The following COPS4 variants were observed in gnomAD, a reference collection of about 807,000 sequenced individuals.
COPS4 encodes the protein COP9 signalosome complex subunit 4.
COPS4 carries 8 observed loss-of-function variants against 55.1 expected under a neutral mutation model. That is an observed-to-expected ratio of 0.15 (90% CI 0.09 to 0.26). COPS4 has a LOEUF of 0.26. Ranked by LOEUF, COPS4 falls within the 10% of genes least tolerant of loss-of-function variation. The pLI is 1.00. For synonymous variants in COPS4, 185 were observed against 165.7 expected (o/e 1.12, Z -0.90); for missense variants, 248 against 484.0 (o/e 0.51, Z 4.58).
chr4:83,062,980 G>C, intron 6 of COPS4, 96 bp from the exon 7 acceptor site: 1 of 1,034,708 alleles, frequency 9.7e-7, no homozygotes, highest in South Asian at 1.8e-5. Context: ...TGTATATTTA[G>C]TAGACAAAAA....
intron 9 of COPS4, among the ~76,000 whole-genome samples, chr4:83,072,874 TG>T (rs1343067708): frequency 6.6e-6 from 1 of 152,184 alleles, no homozygotes; most frequent in Non-Finnish European, 1.5e-5. Flanking sequence ...CCTTTTTTTT[TG>T]TTAAATTGAA....
intron 2 of COPS4, among the ~76,000 whole-genome samples, chr4:83,047,993 T>G (rs1730765185): frequency 7.5e-6 from 1 of 132,890 alleles, no homozygotes; most frequent in South Asian, 2.3e-4. Flanking sequence ...AGAGCGAGAC[T>G]CAGTCTCAAA....
chr4:83,049,076 G>A, intron 2 of COPS4, 90 bp from the exon 3 acceptor site: 1 of 1,197,170 alleles, frequency 8.4e-7, no homozygotes, highest in Non-Finnish European at 1.2e-6. Flanking sequence ...AATATAGATT[G>A]TTGTTAGTAT....
chr4:83,072,300 A>G (rs1021254947), intron 9 of COPS4, among the ~76,000 whole-genome samples: 2 of 151,492 alleles, frequency 1.3e-5, no homozygotes, highest in Admixed American at 6.6e-5. Flanking sequence ...GGGTTTCTCT[A>G]TATTGGTCAG....
intron 1 of COPS4, among the ~76,000 whole-genome samples, chr4:83,040,976 T>A (rs1002890774): frequency 6.6e-6 from 1 of 151,940 alleles, no homozygotes; most frequent in African/African-American, 2.4e-5. Flanking sequence ...TTAAAGATGC[T>A]CAATTCACTG....
At position 83,035,237 on chromosome 4, in the gene COPS4, G is replaced by A; in HGVS notation, c.13G>A (p.Val5Met). The A allele has an allele frequency of 6.4e-7, 1 of 1,571,070 alleles. No individual in the cohort carries two copies. The highest frequency in any genetic ancestry group is 8.7e-7 in the Non-Finnish European group (1 of 1,152,568). The change falls in exon 1 of 10, where the codon GTG becomes ATG. Residue 5 changes from valine to methionine, a missense_variant. By Grantham distance (21) the Val-to-Met change is conservative. Around this residue, in one of 4 missense-constraint regions of COPS4, gnomAD observed 55 missense variants for 62.8 expected, o/e 0.88. Transcript: ENST00000264389. MAAAVRQDLAQLMNS... is the reference protein window; with the variant it reads MAAAMRQDLAQLMNS... ...AGCTGGGAGAAAGATGGCGGCAGCC[G>A]TGCGACAGGATTTGGCCCAGCTCAT... is the stretch of plus-strand genomic sequence containing the variant.
intron 2 of COPS4, 81 bp from the exon 3 acceptor site, chr4:83,049,085 A>G: frequency 7.6e-7 from 1 of 1,322,960 alleles, no homozygotes; most frequent in South Asian, 1.3e-5. Flanking sequence ...TGTTGTTAGT[A>G]TTAATTTTAA....
chr4:83,075,254 A>G (rs1731544872), intron 9 of COPS4, 43 bp from the exon 10 acceptor site: 1 of 1,599,706 alleles, frequency 6.3e-7, no homozygotes, highest in Non-Finnish European at 8.5e-7. Context: ...TGCTGTGAAT[A>G]CAAAGGAATA....
chr4:83,073,088 G>A, intron 9 of COPS4: 1 of 459,664 alleles, frequency 2.2e-6, no homozygotes, highest in Non-Finnish European at 3.9e-6. Context: ...TCAATGGCCT[G>A]TAGTATATTT....
intron 1 of COPS4, among the ~76,000 whole-genome samples, chr4:83,043,705 T>A (rs1318313835): frequency 6.6e-6 from 1 of 151,808 alleles, no homozygotes; most frequent in Non-Finnish European, 1.5e-5. Flanking sequence ...ATGAAAAAAA[T>A]AAAAAATAAC....
At chr4:83,036,547 A>G (rs1730423427) in intron 1 of COPS4, among the ~76,000 whole-genome samples, 1 of 152,174 alleles carries the variant, frequency 6.6e-6, no homozygotes, top group African/African-American at 2.4e-5. Context: ...GAAGATAATA[A>G]TAGGACTTAT....
At chr4:83,038,466 A>G (rs1013425162) in intron 1 of COPS4, among the ~76,000 whole-genome samples, 5 of 152,032 alleles carry the variant, frequency 3.3e-5, no homozygotes, top group Non-Finnish European at 7.4e-5. Context: ...TTTTGGCCTT[A>G]TTTTCACAAA....
chr4:83,060,766 G>GTAATCCCA (rs1731145589), intron 6 of COPS4, among the ~76,000 whole-genome samples: 1 of 151,276 alleles, frequency 6.6e-6, no homozygotes. Flanking sequence ...CAGGCACGGT[G>GTAATCCCA]GCTCACGCCT....
chr4:83,049,397 G>A, intron 3 of COPS4, 80 bp downstream of exon 3: 1 of 1,256,462 alleles, frequency 8.0e-7, no homozygotes, highest in Non-Finnish European at 1.1e-6. Context: ...AATTCTTAAA[G>A]GAGATAATCA....
intron 8 of COPS4, among the ~76,000 whole-genome samples, chr4:83,066,989 A>G (rs1262267347): frequency 1.3e-5 from 2 of 152,214 alleles, no homozygotes; most frequent in Non-Finnish European, 2.9e-5. Context: ...TAGCTAATTT[A>G]TAAACCTTAA....
intron 3 of COPS4, 114 bp downstream of exon 3, chr4:83,049,431 A>T: frequency 4.2e-6 from 4 of 951,950 alleles, no homozygotes; most frequent in Non-Finnish European, 6.0e-6. Context: ...TTGACAAAAC[A>T]GTGTGCCAAA....
At chr4:83,053,544 T>A (rs1304879686) in intron 4 of COPS4, among the ~76,000 whole-genome samples, 1 of 151,996 alleles carries the variant, frequency 6.6e-6, no homozygotes, top group Non-Finnish European at 1.5e-5. Context: ...AAAAACAATT[T>A]TAAAAAATTA....
chr4:83,053,319 CA>C (rs1268036704), intron 4 of COPS4, among the ~76,000 whole-genome samples: 1 of 152,142 alleles, frequency 6.6e-6, no homozygotes, highest in Non-Finnish European at 1.5e-5. Flanking sequence ...TTTTGCCTAA[CA>C]AGTATGACAG....
chr4:83,070,930 T>C (rs1486810105), intron 9 of COPS4, among the ~76,000 whole-genome samples: 1 of 152,208 alleles, frequency 6.6e-6, no homozygotes, highest in African/African-American at 2.4e-5. Context: ...ATAAGTCTTC[T>C]TTTTATTTTT....
Sources: allele counts gnomAD v4.1 joint callset (sites outside exome capture counted in the v4.1 genomes callset), GRCh38; gene constraint gnomAD v4.1.1; regional missense constraint gnomAD v4.1.1; transcripts MANE v1.5; gene names NCBI Gene and HGNC (gene_info 2026-07-23, HGNC 2026-07-21).